Variants in TRPC4 observed in about 807,000 individuals in gnomAD.
TRPC4 encodes the protein short transient receptor potential channel 4.
A neutral mutation model predicts 99.4 loss-of-function variants in TRPC4; 49 were observed. The observed-to-expected ratio is 0.49, with a 90% CI of 0.39 to 0.63. The LOEUF (loss-of-function observed/expected upper bound fraction) is 0.63, where lower values mean the gene tolerates loss of function less well. TRPC4 is among the 20% of genes least tolerant of loss of function. The pLI, the probability that TRPC4 is intolerant of heterozygous loss-of-function variation, is 0.00. For missense variants in TRPC4, 898 were observed against 1,152.9 expected, an observed-to-expected ratio of 0.78 and a Z score of 3.20; for synonymous variants, 454 against 425.9, an observed-to-expected ratio of 1.07 and a Z score of -0.81.
chr13:37,863,264 T>A (rs888445878), intron 1 of TRPC4, among the ~76,000 whole-genome samples: 3 of 151,596 alleles, frequency 2.0e-5, no homozygotes, highest in African/African-American at 7.2e-5. Flanking sequence ...ATCTTCCAAG[T>A]CATTCATTGC....
At chr13:37,755,543 G>T (rs1415857446) in intron 2 of TRPC4, among the ~76,000 whole-genome samples, 1 of 151,716 alleles carries the variant, frequency 6.6e-6, no homozygotes, top group Non-Finnish European at 1.5e-5. Context: ...CAAGTAGCCG[G>T]ACTACAAGCA....
At chr13:37,752,179 T>G (rs1955953311) in intron 2 of TRPC4, among the ~76,000 whole-genome samples, 1 of 148,426 alleles carries the variant, frequency 6.7e-6, no homozygotes, top group African/African-American at 2.5e-5. Flanking sequence ...AACTATAATT[T>G]TTTTGTTCAG....
chr13:37,722,188 C>A (rs958992993), intron 3 of TRPC4, among the ~76,000 whole-genome samples: 1 of 151,924 alleles, frequency 6.6e-6, no homozygotes, highest in Admixed American at 6.6e-5. Flanking sequence ...TGATTTAGAC[C>A]CAGGTGAGTT....
chr13:37,681,557 T>A (rs952564067), intron 4 of TRPC4, among the ~76,000 whole-genome samples: 2 of 152,200 alleles, frequency 1.3e-5, no homozygotes, highest in Non-Finnish European at 2.9e-5. Flanking sequence ...ATAAGCATGG[T>A]AGCGAAATGG....
chr13:37,680,301 C>T (rs971083389), intron 4 of TRPC4, among the ~76,000 whole-genome samples: 2 of 152,130 alleles, frequency 1.3e-5, no homozygotes, highest in Non-Finnish European at 2.9e-5. Flanking sequence ...AAATGCATTT[C>T]AAGTTAATTT....
chr13:37,836,483 A>G (rs1958569793), intron 1 of TRPC4, among the ~76,000 whole-genome samples: 1 of 152,168 alleles, frequency 6.6e-6, no homozygotes, highest in Non-Finnish European at 1.5e-5. Context: ...AGGTGGTTTC[A>G]GATGGAGATG....
chr13:37,646,365 T>G (rs9576328), intron 8 of TRPC4, among the ~76,000 whole-genome samples: 46,086 of 152,140 alleles, frequency 0.3, 7,662 homozygotes, highest in Non-Finnish European at 0.38. Context: ...CTAGTATTTT[T>G]TTTTGGTTCG....
intron 3 of TRPC4, among the ~76,000 whole-genome samples, chr13:37,698,032 T>C (rs1472492079): frequency 6.6e-6 from 1 of 151,854 alleles, no homozygotes; most frequent in Non-Finnish European, 1.5e-5. Flanking sequence ...GTTCTCAAAA[T>C]TGAGCAAGCA....
Position 37,655,157 on chromosome 13 carries a change from A to G in TRPC4, c.1815T>C (p.Asn605=), listed in dbSNP as rs755233439. 7 of 1,606,682 alleles carry G rather than the reference A, an allele frequency of 4.4e-6. No individual in the cohort carries two copies. The East Asian group carries it at 1.1e-4, about 26-fold the overall frequency. ...TGAGTAGAACAACCAGAGAGATGAC[A>G]TTGTATGTCCCAAACATGGTGGCAC... ...FVGATMFGTY[N]VISLVVLLNM... The change falls in exon 7 of 11, where the codon AAT becomes AAC. Residue 605 remains asparagine (N), a synonymous_variant. Coordinates refer to ENST00000379705, the MANE Select transcript of TRPC4 (RefSeq NM_016179.4).
At chr13:37,829,137 G>A (rs941340632) in intron 1 of TRPC4, among the ~76,000 whole-genome samples, 8 of 152,128 alleles carry the variant, frequency 5.3e-5, no homozygotes, top group East Asian at 1.9e-4. Flanking sequence ...AAATTAAAAC[G>A]CTTTTCCTTA....
At chr13:37,849,618 C>T (rs377671900) in intron 1 of TRPC4, among the ~76,000 whole-genome samples, 3 of 152,120 alleles carry the variant, frequency 2.0e-5, no homozygotes, top group African/African-American at 7.2e-5. Context: ...TCACTCAGAC[C>T]GTCCAACAGG....
chr13:37,753,955 C>T (rs186363355), intron 2 of TRPC4, among the ~76,000 whole-genome samples: 8 of 152,176 alleles, frequency 5.3e-5, no homozygotes, highest in Admixed American at 2.6e-4. Flanking sequence ...CCTGCCACCT[C>T]AAAGCACCCC....
intron 4 of TRPC4, among the ~76,000 whole-genome samples, chr13:37,687,430 T>A (rs549486280): frequency 6.6e-6 from 1 of 152,338 alleles, no homozygotes; most frequent in Non-Finnish European, 1.5e-5. Context: ...GAATGAATTC[T>A]GAGGGAAAAT....
At chr13:37,643,934 C>A (rs367611519) in intron 8 of TRPC4, among the ~76,000 whole-genome samples, 1 of 152,048 alleles carries the variant, frequency 6.6e-6, no homozygotes. Flanking sequence ...TCGGTCTTCA[C>A]ATGGCCATGT....
At chr13:37,810,224 C>G (rs937813987) in intron 1 of TRPC4, among the ~76,000 whole-genome samples, 5 of 151,886 alleles carry the variant, frequency 3.3e-5, no homozygotes, top group Non-Finnish European at 7.4e-5. Context: ...AAACCAAATG[C>G]TTTAAAAACA....
chr13:37,826,706 A>AT (rs1351308188), intron 1 of TRPC4, among the ~76,000 whole-genome samples: 3 of 151,768 alleles, frequency 2.0e-5, no homozygotes, highest in Admixed American at 6.6e-5. Context: ...TGCCCTTAAC[A>AT]TTTTTTCCTT....
intron 4 of TRPC4, among the ~76,000 whole-genome samples, chr13:37,687,858 CA>C (rs1953542096): frequency 2.0e-5 from 3 of 152,158 alleles, no homozygotes. Context: ...CTTGATCAAA[CA>C]ACTGTTTTAC....
rs9576334 is a variant in TRPC4, at chr13:37,675,458, A to G, written c.1235-1091T>C. ...AGAGACTAGAATCCCTGGGAGCCAC[A>G]GTTACAAGGAAAATTTCTACCCTCT... is the stretch of plus-strand genomic sequence containing the variant. On this transcript the variant is annotated intron_variant, in intron 4 of 10. Transcript: ENST00000379705. Among the ~76,000 whole-genome samples the G allele has an allele frequency of 2.1e-4, 32 of 152,244 alleles. No homozygotes were observed. In the East Asian group the frequency reaches 6.2e-3, roughly 29 times the overall value.
intron 1 of TRPC4, among the ~76,000 whole-genome samples, chr13:37,827,475 A>T (rs1262895366): frequency 9.2e-5 from 14 of 151,972 alleles, no homozygotes; most frequent in Non-Finnish European, 1.5e-4. Context: ...TCTGTTTGTT[A>T]GTTTTCCTTC....
Sources: gnomAD v4.1 joint callset for allele counts (sites outside exome capture counted in the v4.1 genomes callset) on GRCh38, gnomAD v4.1.1 for gene constraint, MANE v1.5 for transcripts, NCBI Gene and HGNC (gene_info 2026-07-23, HGNC 2026-07-21) for gene names.